BET1L: variants seen among roughly 807,000 people sequenced by gnomAD.
BET1L encodes Bet1 golgi vesicular membrane trafficking protein like.
BET1L carries 13 observed loss-of-function variants against 12.6 expected under a neutral mutation model. That is an observed-to-expected ratio of 1.03 (90% CI 0.67 to 1.64). The LOEUF (loss-of-function observed/expected upper bound fraction) is 1.64. Among genes scored for constraint, BET1L ranks in the 40% most tolerant of loss-of-function variants. BET1L has a pLI of 0.00. For synonymous variants in BET1L, 60 were observed against 56.9 expected (o/e 1.05, Z -0.25); for missense variants, 154 against 150.7 (o/e 1.02, Z -0.11).
rs1483935104 is a variant in BET1L at position 206,044 on chromosome 11, C to T, written c.20-1G>A. 1 of 1,613,464 alleles carries T rather than the reference C, an allele frequency of 6.2e-7. No homozygotes were observed. The highest frequency in any genetic ancestry group is 1.7e-5 in the Admixed American group (1 of 60,028). ...TCTTCCACAGCGCCCGGGCTCTGAG[C>T]TGAGAAAAGAGAGGGGCTGAAGGGT... On this transcript the variant is annotated splice_acceptor_variant, in intron 1 of 3. Transcript: ENST00000382762. LOFTEE classifies it high-confidence loss of function.
Position 207,345 on chromosome 11 carries a change from C to A in BET1L, c.-24G>T. The A allele has an allele frequency of 8.3e-7, 1 of 1,199,118 alleles. No homozygotes were observed. Among genetic ancestry groups the A allele is most frequent in the Non-Finnish European group, 1.1e-6 (1 of 907,194 alleles). The allele number at this position is 1,199,118 out of a possible 1,614,324, so 74.3% of individuals were successfully genotyped here. A position where few individuals can be genotyped will look rare whatever the true frequency, so the allele number is the denominator to read the frequency against. ...ATCGTGCCCTGCCCCGGCTCCTCGA[C>A]GCGGACACCGACGCGGCCACAGCCG... On this transcript the variant is annotated 5_prime_UTR_variant, in exon 1 of 4. Coordinates refer to ENST00000382762, the MANE Select transcript of BET1L (RefSeq NM_001098787.2).
rs561953407 is a variant in BET1L, at chr11:207,354, C to A, written c.-33G>T. The A allele has an allele frequency of 4.5e-6, 5 of 1,099,358 alleles. No homozygotes were observed. Among genetic ancestry groups the A allele is most frequent in the East Asian group, 3.6e-5 (1 of 28,040 alleles). The allele number at this position is 1,099,358 out of a possible 1,614,324, so 68.1% of individuals were successfully genotyped here. A position where few individuals can be genotyped will look rare whatever the true frequency, so the allele number is the denominator to read the frequency against. On this transcript the variant is annotated 5_prime_UTR_variant, in exon 1 of 4. Transcript: ENST00000382762. ...TGCCCCGGCTCCTCGACGCGGACAC[C>A]GACGCGGCCACAGCCGCCTCAGACG...
At chr11:206,986 C>A (rs1280263396) in intron 1 of BET1L, 10 of 432,210 alleles carry the variant, frequency 2.3e-5, no homozygotes, top group Non-Finnish European at 4.1e-5. Context: ...CGGGACCTGT[C>A]GAATGCCGAC....
chr11:207,357 C>CACG lies in BET1L; in HGVS notation c.-37_-36insCGT. Reference sequence around the variant, plus strand: ...CCCGGCTCCTCGACGCGGACACCGACGCGGCCACAGCCGCCTCAGACGTGG... The same window carrying CACG: ...CCCGGCTCCTCGACGCGGACACCGACACGGCGGCCACAGCCGCCTCAGACGTGG... On this transcript the variant is annotated 5_prime_UTR_variant, in exon 1 of 4. Coordinates refer to ENST00000382762, the MANE Select transcript of BET1L (RefSeq NM_001098787.2). 2 of 1,548,232 alleles carry CACG rather than the reference C, an allele frequency of 1.3e-6. No homozygotes were observed. Among genetic ancestry groups the CACG allele is most frequent in the South Asian group, 2.4e-5 (2 of 84,892 alleles).
rs1045762014 is a variant in BET1L at position 204,172 on chromosome 11, T to C, written c.*1130A>G. ...GAAGGGCAAAGAAGCACATGGCTCA[T>C]GCTTTAAAGGTGTTTTTATGCCAAG... On this transcript the variant is annotated 3_prime_UTR_variant, in exon 4 of 4. Coordinates refer to ENST00000382762, the MANE Select transcript of BET1L (RefSeq NM_001098787.2). The C allele has an allele frequency of 9.8e-5, 15 of 152,348 alleles. No individual in the cohort carries two copies. Among genetic ancestry groups the C allele is most frequent in the African/African-American group, 3.4e-4 (14 of 41,438 alleles). The allele number at this position is 152,348 out of a possible 1,614,324, so 9.4% of individuals were successfully genotyped here.
intron 1 of BET1L, among the ~76,000 whole-genome samples, chr11:206,827 A>C (rs953809775): frequency 6.6e-6 from 1 of 152,178 alleles, no homozygotes; most frequent in African/African-American, 2.4e-5. Flanking sequence ...TCCTTTAATC[A>C]TCATAACACC....
chr11:203,185 ACAG>A lies in BET1L; in HGVS notation c.*2114_*2116del. 6.6e-6 allele frequency: 1 copy of A among 152,384 alleles called. No homozygotes were observed. Among genetic ancestry groups the A allele is most frequent in the Non-Finnish European group, 1.5e-5 (1 of 68,082 alleles). 9.4% of individuals were successfully genotyped at this position (152,384 alleles called of 1,614,324 possible). A position where few individuals can be genotyped will look rare whatever the true frequency, so the allele number is the denominator to read the frequency against. ...GCCCCTCAGGAAACTCTGGTCTGGCACAGCAGCAGCAGGGATGCCACTCTCCCT... is the reference window on the plus strand; with the variant it reads ...GCCCCTCAGGAAACTCTGGTCTGGCACAGCAGCAGGGATGCCACTCTCCCT... On this transcript the variant is annotated 3_prime_UTR_variant, in exon 4 of 4. Coordinates refer to ENST00000382762, the MANE Select transcript of BET1L (RefSeq NM_001098787.2).
intron 2 of BET1L, 130 bp downstream of exon 2, chr11:205,822 C>T: frequency 1.4e-6 from 2 of 1,423,534 alleles, no homozygotes; most frequent in South Asian, 1.3e-5. Flanking sequence ...GGGCCTCATG[C>T]AGGTGAGCAC....
At chr11:206,447 A>G (rs1855160018) in intron 1 of BET1L, among the ~76,000 whole-genome samples, 1 of 152,216 alleles carries the variant, frequency 6.6e-6, no homozygotes, top group African/African-American at 2.4e-5. Flanking sequence ...AAGACTTGGG[A>G]AAAGTACCCA....
In BET1L at chr11:205,402, C is replaced by A; in HGVS notation, c.236G>T (p.Arg79Met). Residue 79 changes from arginine to methionine, a missense_variant, in exon 4 of 4, where the codon AGG (arginine) becomes ATG (methionine). By Grantham distance (91) the Arg-to-Met change is moderately conservative (BLOSUM62 -1). Transcript: ENST00000382762. ...GSVKRFSTMA[R>M]SGQDNRKLLC... Reference sequence around the variant, plus strand: ...AAGCTTCCGGTTGTCTTGTCCGGACCTTGCCATTGTGGAAAAGCGCTTCAC... The same window carrying A: ...AAGCTTCCGGTTGTCTTGTCCGGACATTGCCATTGTGGAAAAGCGCTTCAC... 6.2e-7 allele frequency: 1 copy of A among 1,614,222 alleles called. No individual in the cohort carries two copies. The highest frequency in any genetic ancestry group is 2.2e-5 in the East Asian group (1 of 44,884).
In BET1L at chr11:204,181, G is replaced by A. The variant is rs773498980; in HGVS notation, c.*1121C>T. On this transcript the variant is annotated 3_prime_UTR_variant, in exon 4 of 4. Transcript: ENST00000382762. ...AGAAGCACATGGCTCATGCTTTAAA[G>A]GTGTTTTTATGCCAAGACAAGGGGG... is the stretch of plus-strand genomic sequence containing the variant. 6.6e-6 allele frequency: 1 copy of A among 152,406 alleles called. No individual in the cohort carries two copies. The highest frequency in any genetic ancestry group is 1.5e-5 in the Non-Finnish European group (1 of 68,166). The allele number at this position is 152,406 out of a possible 1,614,324, so 9.4% of individuals were successfully genotyped here.
Position 205,042 on chromosome 11 carries a change from T to C in BET1L, c.*260A>G. 2.2e-6 allele frequency: 1 copy of C among 464,532 alleles called. No homozygotes were observed. Among genetic ancestry groups the C allele is most frequent in the African/African-American group, 2.0e-5 (1 of 49,046 alleles). The allele number at this position is 464,532 out of a possible 1,614,324, so 28.8% of individuals were successfully genotyped here. A position where few individuals can be genotyped will look rare whatever the true frequency, so the allele number is the denominator to read the frequency against. On this transcript the variant is annotated 3_prime_UTR_variant, in exon 4 of 4. Transcript: ENST00000382762. ...GACACGCTGTGGCCCCAGCTCTGCCTGGCTCTCTAGCACCTGGGGGAGGGG... is the reference window on the plus strand; with the variant it reads ...GACACGCTGTGGCCCCAGCTCTGCCCGGCTCTCTAGCACCTGGGGGAGGGG...
rs766186224 is a variant in BET1L, at chr11:205,337, T to A, written c.301A>T (p.Ile101Phe). 2 of 1,613,896 alleles carry A rather than the reference T, an allele frequency of 1.2e-6. No individual in the cohort carries two copies. The highest frequency in any genetic ancestry group is 2.2e-5 in the South Asian group (2 of 91,020). The stretch of plus-strand genomic sequence containing the variant: ...GCCCTGGACAAGAAGTAGGAGAGGA[T>A]GAAGAAGGCCACAATTAGACCCACG... Reference protein sequence around the residue: ...MAVGLIVAFFILSYFLSRART With the variant: ...MAVGLIVAFFFLSYFLSRART Residue 101 changes from isoleucine (I) to phenylalanine (F), a missense_variant, in exon 4 of 4, where the codon ATC becomes TTC. Coordinates refer to ENST00000382762, the MANE Select transcript of BET1L (RefSeq NM_001098787.2).
intron 1 of BET1L, 52 bp from the exon 2 acceptor site, chr11:206,095 T>A: frequency 6.6e-7 from 1 of 1,522,826 alleles, no homozygotes; most frequent in Non-Finnish European, 9.1e-7. Flanking sequence ...GCACGGCCCC[T>A]GACCCCTCTC....
chr11:203,042 C>G lies in BET1L; in HGVS notation c.*2260G>C, dbSNP rs1188716083. 1 of 152,232 alleles carries G rather than the reference C, an allele frequency of 6.6e-6. No homozygotes were observed. Among genetic ancestry groups the G allele is most frequent in the African/African-American group, 2.4e-5 (1 of 41,446 alleles). The allele number at this position is 152,232 out of a possible 1,614,324, so 9.4% of individuals were successfully genotyped here. On this transcript the variant is annotated 3_prime_UTR_variant, in exon 4 of 4. Transcript: ENST00000382762. ...CTTGGCAGAGTAGGTAACCCTGGCTCTCACACTGAGCCCCCAAGAGTCCTT... is the reference window on the plus strand; with the variant it reads ...CTTGGCAGAGTAGGTAACCCTGGCTGTCACACTGAGCCCCCAAGAGTCCTT...
At chr11:206,891 G>A (rs1855176473) in intron 1 of BET1L, 3 of 226,888 alleles carry the variant, frequency 1.3e-5, no homozygotes, top group Admixed American at 5.9e-5. Flanking sequence ...CGGGCTCCAG[G>A]AGGGGAAATG....
intron 1 of BET1L, 28 bp from the exon 2 acceptor site, chr11:206,071 G>T: frequency 2.5e-6 from 4 of 1,602,030 alleles, no homozygotes; most frequent in South Asian, 1.1e-5. Context: ...CTGAAGGGTT[G>T]CATCCATCGG....
Position 205,454 on chromosome 11 carries a change from T to A in BET1L, c.184A>T (p.Ser62Cys), listed in dbSNP as rs1232439260. The change falls in exon 4 of 4, where the codon AGC (serine) becomes TGC (cysteine). Residue 62 changes from serine to cysteine, a missense_variant. Coordinates refer to ENST00000382762, the MANE Select transcript of BET1L (RefSeq NM_001098787.2). ...CTCCCTGTAAGCAGGCTGGTCATGC[T>A]TGTGAAATCCGAGTCCTAAGGGAGG... Reference protein sequence around the residue: ...YLDGMDSDFTSMTSLLTGSVK... With the variant: ...YLDGMDSDFTCMTSLLTGSVK... The A allele has an allele frequency of 6.2e-7, 1 of 1,614,078 alleles. No homozygotes were observed. Among genetic ancestry groups the A allele is most frequent in the Non-Finnish European group, 8.5e-7 (1 of 1,180,042 alleles).
In BET1L at chr11:204,906, G is replaced by T. The variant is rs753101677; in HGVS notation, c.*396C>A. 4.5e-6 allele frequency: 1 copy of T among 222,544 alleles called. No homozygotes were observed. Among genetic ancestry groups the T allele is most frequent in the Non-Finnish European group, 9.2e-6 (1 of 109,068 alleles). 13.8% of individuals were successfully genotyped at this position (222,544 alleles called of 1,614,324 possible). On this transcript the variant is annotated 3_prime_UTR_variant, in exon 4 of 4. Coordinates refer to ENST00000382762, the MANE Select transcript of BET1L (RefSeq NM_001098787.2). ...CATGGCCTCACCCAGACAAGGACAC[G>T]ACCGTGCAGCCTTAAGATGTCAGAG...
Sources: allele counts gnomAD v4.1 joint callset (sites outside exome capture counted in the v4.1 genomes callset), GRCh38; gene constraint gnomAD v4.1.1; transcripts MANE v1.5; gene names NCBI Gene and HGNC (gene_info 2026-07-23, HGNC 2026-07-21).